OR6N1: variants seen among roughly 807,000 people sequenced by gnomAD.
OR6N1 encodes the protein olfactory receptor 6N1.
For missense variants in OR6N1, 394 were observed against 371.7 expected (o/e 1.06, Z -0.49); for synonymous variants, 170 against 150.7 (o/e 1.13, Z -0.94).
the OR6N1 span, chr1:158,831,290 T>C: frequency 2.6e-5 from 4 of 152,238 alleles, no homozygotes; most frequent in African/African-American, 9.6e-5. Flanking sequence ...CAAAGGCTGA[T>C]AGGCGTGGCT....
chr1:158,799,233 G>A, the OR6N1 span, among the ~76,000 whole-genome samples: 5 of 152,164 alleles, frequency 3.3e-5, no homozygotes, highest in Admixed American at 2.0e-4. Context: ...TAAAAAGACT[G>A]TATGATTTGT....
At chr1:158,817,729 C>G in the OR6N1 span, among the ~76,000 whole-genome samples, 664 of 152,334 alleles carry the variant, frequency 4.4e-3, 3 homozygotes, top group African/African-American at 0.015. Flanking sequence ...AAGGAAAATA[C>G]AGTCTAGTGC....
At chr1:158,769,931 G>A (rs1341994196) in intron 1 of OR6N1, among the ~76,000 whole-genome samples, 1 of 152,104 alleles carries the variant, frequency 6.6e-6, no homozygotes, top group Admixed American at 6.6e-5. Flanking sequence ...TTCAAGTCTT[G>A]AATGCATACC....
the OR6N1 span, among the ~76,000 whole-genome samples, chr1:158,819,761 A>G: frequency 6.6e-6 from 1 of 152,220 alleles, no homozygotes; most frequent in Non-Finnish European, 1.5e-5. Context: ...CCACATATAC[A>G]TAGTACTGTT....
rs1373341091 is a variant in OR6N1 at position 158,766,487 on chromosome 1, G to A, written c.196C>T (p.Leu66Phe). The A allele has an allele frequency of 6.2e-7, 1 of 1,614,204 alleles. No homozygotes were observed. Among genetic ancestry groups the A allele is most frequent in the South Asian group, 1.1e-5 (1 of 91,084 alleles). Residue 66 changes from leucine to phenylalanine, a missense_variant, in exon 2 of 2, where the codon CTC (leucine) becomes TTC (phenylalanine). Transcript: ENST00000641846. ...HTPMYHFVSI[L>F]SFSELGYTAA... ...GTATAGCCAAGCTCTGAGAAGGAGA[G>A]AATGCTGACAAAGTGGTACATGGGT...
chr1:158,809,735 G>T, the OR6N1 span, among the ~76,000 whole-genome samples: 2 of 152,160 alleles, frequency 1.3e-5, no homozygotes, highest in African/African-American at 4.8e-5. Flanking sequence ...AAAAGTGACT[G>T]TTGAAGCTTC....
chr1:158,790,069 T>C, the OR6N1 span, among the ~76,000 whole-genome samples: 2 of 152,234 alleles, frequency 1.3e-5, no homozygotes, highest in African/African-American at 4.8e-5. Flanking sequence ...ATCTAGTTTT[T>C]CCTGCACCAT....
chr1:158,821,795 A>G, the OR6N1 span, among the ~76,000 whole-genome samples: 1 of 152,178 alleles, frequency 6.6e-6, no homozygotes, highest in Non-Finnish European at 1.5e-5. Context: ...TTGGGTAAAT[A>G]CCACAGAGAA....
chr1:158,828,239 G>A, the OR6N1 span, among the ~76,000 whole-genome samples: 1 of 151,976 alleles, frequency 6.6e-6, no homozygotes, highest in Non-Finnish European at 1.5e-5. Flanking sequence ...CTTCCCAACA[G>A]TCCCCCAAAG....
the OR6N1 span, among the ~76,000 whole-genome samples, chr1:158,814,198 C>A: frequency 6.6e-6 from 1 of 151,998 alleles, no homozygotes; most frequent in Non-Finnish European, 1.5e-5. Context: ...GATGATAGAA[C>A]TTTAACTTTG....
the OR6N1 span, among the ~76,000 whole-genome samples, chr1:158,785,001 T>G: frequency 6.6e-6 from 1 of 152,204 alleles, no homozygotes; most frequent in Non-Finnish European, 1.5e-5. Context: ...CATCAATATC[T>G]AGCTTTCAAA....
chr1:158,790,110 A>G, the OR6N1 span, among the ~76,000 whole-genome samples: 28 of 152,218 alleles, frequency 1.8e-4, no homozygotes, highest in Admixed American at 1.6e-3. Context: ...CCCTCAATGT[A>G]TGTTCGTGGT....
At chr1:158,825,079 T>C in the OR6N1 span, among the ~76,000 whole-genome samples, 1 of 151,908 alleles carries the variant, frequency 6.6e-6, no homozygotes, top group African/African-American at 2.4e-5. Context: ...CTAACAAAGG[T>C]CTAATATCCA....
At chr1:158,810,694 A>G in the OR6N1 span, among the ~76,000 whole-genome samples, 1 of 152,240 alleles carries the variant, frequency 6.6e-6, no homozygotes, top group African/African-American at 2.4e-5. Flanking sequence ...TACATGGAGA[A>G]CAACACCTTG....
the OR6N1 span, among the ~76,000 whole-genome samples, chr1:158,828,045 G>A: frequency 1.3e-5 from 2 of 152,152 alleles, no homozygotes; most frequent in African/African-American, 4.8e-5. Context: ...TTACTATTAT[G>A]AGAACAGCAT....
chr1:158,792,698 T>A, the OR6N1 span, among the ~76,000 whole-genome samples: 1 of 152,194 alleles, frequency 6.6e-6, no homozygotes, highest in East Asian at 1.9e-4. Context: ...TTAAGGAAAC[T>A]AAAGATAGGA....
At chr1:158,777,711 T>A in the OR6N1 span, 9 of 828,672 alleles carry the variant, frequency 1.1e-5, no homozygotes, top group South Asian at 9.1e-5. Context: ...AAACTTCATT[T>A]CTCTCTCTCT....
the OR6N1 span, among the ~76,000 whole-genome samples, chr1:158,805,385 C>T: frequency 6.6e-6 from 1 of 152,178 alleles, no homozygotes; most frequent in Admixed American, 6.5e-5. Context: ...CACACTAAGG[C>T]ACTACTTCTC....
At chr1:158,792,346 A>G in the OR6N1 span, among the ~76,000 whole-genome samples, 2,550 of 152,192 alleles carry the variant, frequency 0.017, 42 homozygotes, top group African/African-American at 0.034. Flanking sequence ...TTTTTAATCC[A>G]TTCTCCCAAT....
Sources: gnomAD v4.1 joint callset for allele counts (sites outside exome capture counted in the v4.1 genomes callset) on GRCh38, gnomAD v4.1.1 for gene constraint, MANE v1.5 for transcripts, NCBI Gene and HGNC (gene_info 2026-07-23, HGNC 2026-07-21) for gene names.